Variants in NLGN1 observed in about 807,000 individuals in gnomAD.
NLGN1 encodes neuroligin-1.
NLGN1 carries 12 observed loss-of-function variants against 65.5 expected under a neutral mutation model. That is an observed-to-expected ratio of 0.18 (90% CI 0.12 to 0.30). NLGN1 has a LOEUF of 0.30. Ranked by LOEUF, NLGN1 falls within the 10% of genes least tolerant of loss-of-function variation. The probability of loss-of-function intolerance (pLI) is 1.00; values close to 1 mark genes in which losing one functional copy is unlikely to be tolerated. For synonymous variants in NLGN1, 350 were observed against 359.5 expected (o/e 0.97, Z 0.30); for missense variants, 750 against 1,007.1 (o/e 0.74, Z 3.46).
chr3:173,966,864 C>T (rs757760934), intron 4 of NLGN1, among the ~76,000 whole-genome samples: 1 of 152,140 alleles, frequency 6.6e-6, no homozygotes. Flanking sequence ...GGTAAGTGTA[C>T]ACCCTATGAC....
intron 3 of NLGN1, among the ~76,000 whole-genome samples, chr3:173,759,710 A>G (rs1293499452): frequency 1.3e-5 from 2 of 151,774 alleles, no homozygotes; most frequent in Non-Finnish European, 2.9e-5. Context: ...TGCCATTTTT[A>G]TTTGTAGAAT....
chr3:174,267,724 G>A (rs1748549280), intron 4 of NLGN1, among the ~76,000 whole-genome samples: 1 of 152,044 alleles, frequency 6.6e-6, no homozygotes, highest in South Asian at 2.1e-4. Context: ...TCACTTCATT[G>A]CTGCCATCTA....
intron 3 of NLGN1, among the ~76,000 whole-genome samples, chr3:173,734,930 T>C (rs561472043): frequency 1.3e-5 from 2 of 152,130 alleles, no homozygotes; most frequent in Admixed American, 1.3e-4. Flanking sequence ...TCTTAGATTA[T>C]GTACAGGTCT....
intron 4 of NLGN1, among the ~76,000 whole-genome samples, chr3:173,863,010 A>C (rs551476115): frequency 6.6e-6 from 1 of 152,192 alleles, no homozygotes; most frequent in Non-Finnish European, 1.5e-5. Flanking sequence ...GGTATATAGT[A>C]GTTGTGCTAA....
intron 2 of NLGN1, among the ~76,000 whole-genome samples, chr3:173,517,351 A>G (rs918187748): frequency 6.6e-6 from 1 of 152,142 alleles, no homozygotes; most frequent in African/African-American, 2.4e-5. Context: ...CATAGCTACT[A>G]TTATTTTTCA....
At chr3:173,594,695 AG>A (rs989424306) in intron 2 of NLGN1, among the ~76,000 whole-genome samples, 18 of 152,310 alleles carry the variant, frequency 1.2e-4, no homozygotes, top group African/African-American at 4.3e-4. Flanking sequence ...GCCTTAGCAG[AG>A]GTTCTCCATG....
At chr3:173,902,009 A>G (rs1052078481) in intron 4 of NLGN1, among the ~76,000 whole-genome samples, 1 of 152,048 alleles carries the variant, frequency 6.6e-6, no homozygotes, top group African/African-American at 2.4e-5. Context: ...TGTGGATTTT[A>G]TTATTAGTAC....
chr3:173,789,710 T>C, intron 3 of NLGN1: 1 of 414,352 alleles, frequency 2.4e-6, no homozygotes, highest in South Asian at 1.8e-5. Flanking sequence ...CTGTGTACTG[T>C]GGGAGCAACT....
chr3:173,456,218 T>C (rs1440938420), intron 2 of NLGN1, among the ~76,000 whole-genome samples: 1 of 152,150 alleles, frequency 6.6e-6, no homozygotes, highest in East Asian at 1.9e-4. Context: ...ATATAAATGA[T>C]ATTTTTAAAA....
intron 3 of NLGN1, among the ~76,000 whole-genome samples, chr3:173,754,069 G>A (rs1373200372): frequency 7.0e-6 from 1 of 143,500 alleles, no homozygotes; most frequent in East Asian, 2.0e-4. Flanking sequence ...GTTGAGACAG[G>A]GTCTCACTCT....
At chr3:173,778,159 T>C (rs531407817) in intron 3 of NLGN1, among the ~76,000 whole-genome samples, 2 of 151,898 alleles carry the variant, frequency 1.3e-5, no homozygotes, top group African/African-American at 4.8e-5. Context: ...GTGTCTGTTT[T>C]TTTAAAAAAA....
intron 4 of NLGN1, among the ~76,000 whole-genome samples, chr3:173,969,913 TA>T (rs201121045): frequency 0.02 from 2,939 of 144,236 alleles, 77 homozygotes; most frequent in African/African-American, 0.059. Flanking sequence ...TATTTGGGCT[TA>T]AAAAAAAAAA....
chr3:173,672,166 T>A (rs1762536923), intron 3 of NLGN1, among the ~76,000 whole-genome samples: 1 of 152,114 alleles, frequency 6.6e-6, no homozygotes, highest in Admixed American at 6.6e-5. Context: ...AGAGCGAGAC[T>A]CCGTCTCAAA....
At chr3:174,041,338 A>G (rs1466941106) in intron 4 of NLGN1, among the ~76,000 whole-genome samples, 10 of 152,156 alleles carry the variant, frequency 6.6e-5, no homozygotes, top group Non-Finnish European at 1.5e-5. Flanking sequence ...ATTGTTTACT[A>G]GTATTCCACT....
intron 4 of NLGN1, among the ~76,000 whole-genome samples, chr3:174,260,688 A>G (rs1331493618): frequency 6.9e-6 from 1 of 144,516 alleles, no homozygotes; most frequent in Admixed American, 7.0e-5. Flanking sequence ...CTTTAGTTTA[A>G]TTAGATCCCA....
intron 4 of NLGN1, among the ~76,000 whole-genome samples, chr3:174,047,765 A>G (rs1324002288): frequency 5.3e-5 from 8 of 151,840 alleles, no homozygotes; most frequent in Non-Finnish European, 1.2e-4. Context: ...TTGCTTAAAT[A>G]TTCTTATCCT....
chr3:173,628,704 T>C (rs1403667333), intron 3 of NLGN1, among the ~76,000 whole-genome samples: 1 of 151,944 alleles, frequency 6.6e-6, no homozygotes, highest in African/African-American at 2.4e-5. Flanking sequence ...TTATTATTAT[T>C]ATTATTTGAA....
intron 3 of NLGN1, among the ~76,000 whole-genome samples, chr3:173,688,538 A>G (rs1037963791): frequency 3.9e-5 from 6 of 152,198 alleles, no homozygotes; most frequent in Non-Finnish European, 7.3e-5. Context: ...ATCAAATAAT[A>G]TAGCCATTGA....
intron 2 of NLGN1, among the ~76,000 whole-genome samples, chr3:173,498,506 A>G (rs1027829376): frequency 2.0e-5 from 3 of 151,842 alleles, no homozygotes; most frequent in African/African-American, 4.9e-5. Context: ...TAGTGCCGCA[A>G]TAAACATACG....
Sources: allele counts gnomAD v4.1 joint callset (sites outside exome capture counted in the v4.1 genomes callset), GRCh38; gene constraint gnomAD v4.1.1; transcripts MANE v1.5; gene names NCBI Gene and HGNC (gene_info 2026-07-23, HGNC 2026-07-21).